Variants in SLC16A10 observed in about 807,000 individuals in gnomAD.
The protein encoded by SLC16A10 is monocarboxylate transporter 10.
In SLC16A10, 27 loss-of-function variants were observed where a neutral mutation model predicts 40.0. The ratio of observed to expected loss-of-function variants is 0.67; its 90% CI spans 0.50 to 0.93. The LOEUF is 0.93. SLC16A10 is among the 40% of genes least tolerant of loss of function. The pLI is 0.00. For missense variants in SLC16A10, 529 were observed against 658.2 expected, an observed-to-expected ratio of 0.80 and a Z score of 2.15; for synonymous variants, 213 against 249.8, an observed-to-expected ratio of 0.85 and a Z score of 1.39.
intron 3 of SLC16A10, among the ~76,000 whole-genome samples, chr6:111,192,527 A>T (rs952519337): frequency 1.3e-5 from 2 of 152,146 alleles, no homozygotes; most frequent in African/African-American, 4.8e-5. Flanking sequence ...CCTGTTACCC[A>T]GTTCCAAAGT....
intron 3 of SLC16A10, among the ~76,000 whole-genome samples, chr6:111,185,993 G>A (rs192849169): frequency 1.4e-4 from 21 of 151,130 alleles, no homozygotes; most frequent in East Asian, 1.2e-3. Context: ...TCGACCTCCC[G>A]GACTCAAGCA....
chr6:111,219,048 TATA>T lies in SLC16A10; in HGVS notation c.1315+9_1315+11del, dbSNP rs1770838371. ...TGTTGGCCCACCCATTGCAGGTAAA[TATA>T]ATGATTCTCCAGTAGTTATATTAAT... On this transcript the variant is annotated splice_region_variant and intron_variant, in intron 5 of 5. Coordinates refer to ENST00000368851, the MANE Select transcript of SLC16A10 (RefSeq NM_018593.5). The T allele has an allele frequency of 1.2e-6, 2 of 1,609,444 alleles. No individual in the cohort carries two copies. The highest frequency in any genetic ancestry group is 1.7e-6 in the Non-Finnish European group (2 of 1,175,794).
At position 111,088,224 on chromosome 6, in the gene SLC16A10, A is replaced by AG. The variant is rs1770906346; in HGVS notation, c.343+135dup. 3.0e-5 allele frequency: 27 copies of AG among 911,420 alleles called. No individual in the cohort carries two copies. The South Asian group carries it at 3.2e-4, about 11-fold the overall frequency. The allele number at this position is 911,420 out of a possible 1,614,324, so 56.5% of individuals were successfully genotyped here. A position where few individuals can be genotyped will look rare whatever the true frequency, so the allele number is the denominator to read the frequency against. On this transcript the variant is annotated intron_variant, in intron 1 of 5. Transcript: ENST00000368851. ...GGTCCCTGTGCCAGAGGGTGCGAGCAGGGGGGTCTTTCGAGTTGCAGACAG... is the reference window on the plus strand; with the variant it reads ...GGTCCCTGTGCCAGAGGGTGCGAGCAGGGGGGGTCTTTCGAGTTGCAGACAG...
At chr6:111,149,451 G>T (rs1165876494) in intron 1 of SLC16A10, among the ~76,000 whole-genome samples, 1 of 152,148 alleles carries the variant, frequency 6.6e-6, no homozygotes, top group African/African-American at 2.4e-5. Context: ...CATCATAATG[G>T]ATCATATGAT....
At chr6:111,189,453 T>C (rs1466335086) in intron 3 of SLC16A10, among the ~76,000 whole-genome samples, 1 of 152,218 alleles carries the variant, frequency 6.6e-6, no homozygotes, top group Non-Finnish European at 1.5e-5. Flanking sequence ...TTATTAAAAA[T>C]CTGCATATCA....
chr6:111,222,592 G>C lies in SLC16A10; in HGVS notation c.*357G>C, dbSNP rs961571693. 4.9e-6 allele frequency: 1 copy of C among 202,506 alleles called. No individual in the cohort carries two copies. The highest frequency in any genetic ancestry group is 9.7e-6 in the Non-Finnish European group (1 of 102,862). The allele number at this position is 202,506 out of a possible 1,614,324, so 12.5% of individuals were successfully genotyped here. A position where few individuals can be genotyped will look rare whatever the true frequency, so the allele number is the denominator to read the frequency against. ...ACTGAAAGGGTTGCAGTTTGGTTAG[G>C]AGTGGAAATATTTTGTTTGTTAATG... On this transcript the variant is annotated 3_prime_UTR_variant, in exon 6 of 6. Transcript: ENST00000368851.
chr6:111,218,722 C>A, intron 4 of SLC16A10, 92 bp from the exon 5 acceptor site: 1 of 1,012,650 alleles, frequency 9.9e-7, no homozygotes, highest in Non-Finnish European at 1.5e-6. Context: ...AAAGGGGGAA[C>A]CAGTAATGAC....
chr6:111,228,530 G>C lies in SLC16A10; in HGVS notation c.*6295G>C, dbSNP rs1230124949. On this transcript the variant is annotated 3_prime_UTR_variant, in exon 6 of 6. Coordinates refer to ENST00000368851, the MANE Select transcript of SLC16A10 (RefSeq NM_018593.5). ...TAACACTTAGAACTCAAATTAGATTGGTAATACTATTTTGGAGCCTGTGAT... is the reference window on the plus strand; with the variant it reads ...TAACACTTAGAACTCAAATTAGATTCGTAATACTATTTTGGAGCCTGTGAT... 1.3e-5 allele frequency: 2 copies of C among 152,112 alleles called. No homozygotes were observed. Among genetic ancestry groups the C allele is most frequent in the Non-Finnish European group, 2.9e-5 (2 of 68,010 alleles). The allele number at this position is 152,112 out of a possible 1,614,324, so 9.4% of individuals were successfully genotyped here.
At chr6:111,123,405 A>C (rs930363886) in intron 1 of SLC16A10, among the ~76,000 whole-genome samples, 19 of 152,132 alleles carry the variant, frequency 1.2e-4, no homozygotes, top group African/African-American at 4.3e-4. Context: ...TCAATTATTT[A>C]TTTACTTGTG....
At chr6:111,209,750 G>A (rs532190001) in intron 4 of SLC16A10, among the ~76,000 whole-genome samples, 2 of 152,178 alleles carry the variant, frequency 1.3e-5, no homozygotes, top group African/African-American at 4.8e-5. Flanking sequence ...GGCAGGAGTG[G>A]TCAGCAGTGT....
At chr6:111,122,413 C>G (rs1158511935) in intron 1 of SLC16A10, among the ~76,000 whole-genome samples, 2 of 152,160 alleles carry the variant, frequency 1.3e-5, no homozygotes, top group Non-Finnish European at 2.9e-5. Flanking sequence ...GGCTGAATCA[C>G]TGATTTTCCA....
intron 3 of SLC16A10, among the ~76,000 whole-genome samples, chr6:111,183,460 T>C (rs770080041): frequency 6.6e-6 from 1 of 152,212 alleles, no homozygotes; most frequent in Non-Finnish European, 1.5e-5. Context: ...GCGCAGTGCC[T>C]AGCACACACT....
At chr6:111,200,665 TGTTAA>T (rs1195928379) in intron 3 of SLC16A10, among the ~76,000 whole-genome samples, 2 of 152,340 alleles carry the variant, frequency 1.3e-5, no homozygotes, top group African/African-American at 4.8e-5. Flanking sequence ...CAAAGGGTAG[TGTTAA>T]GTTTTGATTT....
chr6:111,212,817 A>G (rs1363548049), intron 4 of SLC16A10, among the ~76,000 whole-genome samples: 2 of 151,250 alleles, frequency 1.3e-5, no homozygotes, highest in Admixed American at 6.6e-5. Flanking sequence ...ATAAAAAAAA[A>G]TGCTGAGTCA....
chr6:111,101,726 TCCTCCCACTTCAG>T (rs1480788783), intron 1 of SLC16A10, among the ~76,000 whole-genome samples: 3 of 152,146 alleles, frequency 2.0e-5, no homozygotes, highest in African/African-American at 7.2e-5. Flanking sequence ...GCTGAAGCCA[TCCTCCCACTTCAG>T]CCTCCCAAGT....
chr6:111,134,601 C>A (rs536398261), intron 1 of SLC16A10, among the ~76,000 whole-genome samples: 1 of 151,756 alleles, frequency 6.6e-6, no homozygotes, highest in East Asian at 1.9e-4. Flanking sequence ...CTCAGGCAAG[C>A]GGACTTTGGA....
intron 3 of SLC16A10, among the ~76,000 whole-genome samples, chr6:111,203,155 A>G (rs1773199800): frequency 6.6e-6 from 1 of 152,168 alleles, no homozygotes; most frequent in Non-Finnish European, 1.5e-5. Flanking sequence ...CTTTCTGCTG[A>G]ACTAAAGTGC....
intron 1 of SLC16A10, among the ~76,000 whole-genome samples, chr6:111,137,681 G>A (rs554216060): frequency 2.2e-4 from 33 of 152,234 alleles, no homozygotes; most frequent in Non-Finnish European, 4.6e-4. Flanking sequence ...TCAGCAGGAA[G>A]CAGTTAGAGC....
chr6:111,108,351 C>T (rs1433465387), intron 1 of SLC16A10, among the ~76,000 whole-genome samples: 1 of 152,084 alleles, frequency 6.6e-6, no homozygotes, highest in Non-Finnish European at 1.5e-5. Flanking sequence ...CTTTATCTGA[C>T]TTCTTTTTCT....
Sources: gnomAD v4.1 joint callset for allele counts (sites outside exome capture counted in the v4.1 genomes callset) on GRCh38, gnomAD v4.1.1 for gene constraint, MANE v1.5 for transcripts, NCBI Gene and HGNC (gene_info 2026-07-23, HGNC 2026-07-21) for gene names.